The following MCTP1 variants were observed in gnomAD, a reference collection of about 807,000 sequenced individuals.
MCTP1 encodes multiple C2 and transmembrane domain containing 1.
Under a neutral mutation model 120.6 loss-of-function variants are expected in MCTP1, and 69 were observed. That is an observed-to-expected ratio of 0.57 (90% CI 0.47 to 0.70). MCTP1 has a LOEUF of 0.70. Among genes scored for constraint, MCTP1 ranks in the 30% least tolerant of loss-of-function variants. The pLI, the probability that MCTP1 is intolerant of heterozygous loss-of-function variation, is 0.00. For synonymous variants in MCTP1, 529 were observed against 493.1 expected (o/e 1.07, Z -0.96); for missense variants, 1,203 against 1,248.8 (o/e 0.96, Z 0.55).
chr5:95,056,991 CTA>C (rs1173501957), intron 1 of MCTP1, among the ~76,000 whole-genome samples: 3 of 152,082 alleles, frequency 2.0e-5, no homozygotes, highest in East Asian at 3.9e-4. Context: ...TAAAAATACA[CTA>C]TGTTTTGCTT....
intron 18 of MCTP1, among the ~76,000 whole-genome samples, chr5:94,784,356 T>C (rs1342604347): frequency 6.6e-6 from 1 of 152,042 alleles, no homozygotes; most frequent in East Asian, 1.9e-4. Flanking sequence ...AATGATGGAA[T>C]GTCTATTGAT....
chr5:95,235,551 T>C (rs1366124998), intron 1 of MCTP1, among the ~76,000 whole-genome samples: 1 of 151,834 alleles, frequency 6.6e-6, no homozygotes, highest in Admixed American at 6.6e-5. Flanking sequence ...CTATGCTGGC[T>C]TAAACTTCCA....
chr5:94,846,817 C>CTGTGTG (rs67319075), intron 17 of MCTP1, among the ~76,000 whole-genome samples: 7 of 147,148 alleles, frequency 4.8e-5, no homozygotes, highest in Non-Finnish European at 9.1e-5. Flanking sequence ...CTGTGTGTGT[C>CTGTGTG]TGTGTGTGTG....
chr5:95,065,116 A>C (rs1473315403), intron 1 of MCTP1, among the ~76,000 whole-genome samples: 1 of 152,134 alleles, frequency 6.6e-6, no homozygotes, highest in Non-Finnish European at 1.5e-5. Context: ...TTCAAGAATA[A>C]TTAGAAAACT....
intron 17 of MCTP1, chr5:94,867,421 G>T: frequency 8.9e-7 from 1 of 1,119,118 alleles, no homozygotes; most frequent in Non-Finnish European, 1.3e-6. Flanking sequence ...AAACAGATGT[G>T]CATACACTCA....
At chr5:94,813,989 T>A (rs902187485) in intron 17 of MCTP1, among the ~76,000 whole-genome samples, 1 of 151,928 alleles carries the variant, frequency 6.6e-6, no homozygotes, top group African/African-American at 2.4e-5. Context: ...AAAACGCAAA[T>A]CCCTAGAGAC....
At chr5:95,099,403 A>C (rs1317090737) in intron 1 of MCTP1, among the ~76,000 whole-genome samples, 1 of 151,670 alleles carries the variant, frequency 6.6e-6, no homozygotes, top group Non-Finnish European at 1.5e-5. Flanking sequence ...CAGAATCTGC[A>C]ATGAACTCAA....
intron 17 of MCTP1, among the ~76,000 whole-genome samples, chr5:94,819,686 A>G (rs552452931): frequency 9.2e-5 from 14 of 152,214 alleles, no homozygotes; most frequent in Non-Finnish European, 1.9e-4. Context: ...TTTTTATATC[A>G]CTAGACATTC....
Position 95,284,567 on chromosome 5 carries a change from G to C in MCTP1, c.9C>G (p.Pro3=). The change falls in exon 1 of 23, where the codon CCC becomes CCG. Residue 3 remains proline (P), a synonymous_variant. Coordinates refer to ENST00000515393, the MANE Select transcript of MCTP1 (RefSeq NM_024717.7). The surrounding 1 kb of genome is among the most constrained non-coding windows in gnomAD (Gnocchi z 5.2). ME[P]RAAAAGEPEP... Reference sequence around the variant, plus strand: ...CTGGCTCGCCCGCCGCGGCAGCCCGGGGCTCCATCCTCCACCCCCTGCTCC... The same window carrying C: ...CTGGCTCGCCCGCCGCGGCAGCCCGCGGCTCCATCCTCCACCCCCTGCTCC... The C allele has an allele frequency of 7.0e-7, 1 of 1,436,944 alleles. No individual in the cohort carries two copies. Among genetic ancestry groups the C allele is most frequent in the Non-Finnish European group, 9.0e-7 (1 of 1,108,490 alleles). 89.0% of individuals were successfully genotyped at this position (1,436,944 alleles called of 1,614,324 possible).
At chr5:94,957,650 A>C (rs933574786) in intron 2 of MCTP1, among the ~76,000 whole-genome samples, 1 of 152,056 alleles carries the variant, frequency 6.6e-6, no homozygotes, top group South Asian at 2.1e-4. Context: ...TACACCAATG[A>C]AGATTAAAAA....
intron 1 of MCTP1, among the ~76,000 whole-genome samples, chr5:95,107,604 T>C (rs1194350312): frequency 6.6e-6 from 1 of 152,202 alleles, no homozygotes; most frequent in African/African-American, 2.4e-5. Flanking sequence ...AAGTTCTGCC[T>C]CAGCCTCCAC....
intron 1 of MCTP1, among the ~76,000 whole-genome samples, chr5:95,240,754 T>C (rs980660856): frequency 2.2e-4 from 34 of 152,166 alleles, no homozygotes; most frequent in Non-Finnish European, 4.7e-4. Context: ...ACTGAAGTCT[T>C]AGCAGTGTGC....
At chr5:94,854,347 CTACT>C (rs1360320989) in intron 17 of MCTP1, among the ~76,000 whole-genome samples, 1 of 151,698 alleles carries the variant, frequency 6.6e-6, no homozygotes, top group African/African-American at 2.4e-5. Flanking sequence ...GGAAATATTC[CTACT>C]TAGAGTCTGA....
intron 1 of MCTP1, among the ~76,000 whole-genome samples, chr5:95,036,412 G>T (rs962255185): frequency 8.5e-5 from 13 of 152,092 alleles, no homozygotes; most frequent in Admixed American, 7.9e-4. Flanking sequence ...ATGGATTTAC[G>T]TCTACAAAAC....
At chr5:94,797,980 T>C (rs1248108043) in intron 18 of MCTP1, among the ~76,000 whole-genome samples, 1 of 152,134 alleles carries the variant, frequency 6.6e-6, no homozygotes, top group Non-Finnish European at 1.5e-5. Context: ...AAGTATTATA[T>C]TCTACTTTTA....
At chr5:94,989,951 TG>T (rs1831206183) in intron 2 of MCTP1, among the ~76,000 whole-genome samples, 1 of 152,208 alleles carries the variant, frequency 6.6e-6, no homozygotes, top group Non-Finnish European at 1.5e-5. Context: ...CTTTGTTCTG[TG>T]CTCACTTCTA....
At chr5:95,041,311 GAA>G (rs58379749) in intron 1 of MCTP1, among the ~76,000 whole-genome samples, 195 of 89,782 alleles carry the variant, frequency 2.2e-3, no homozygotes, top group South Asian at 0.015. Flanking sequence ...CCCATGCTCT[GAA>G]AAAAAAAAAA....
chr5:95,118,170 T>G (rs1436925719), intron 1 of MCTP1, among the ~76,000 whole-genome samples: 1 of 152,180 alleles, frequency 6.6e-6, no homozygotes, highest in Non-Finnish European at 1.5e-5. Flanking sequence ...AATTTACCTA[T>G]GTAACAAACC....
At chr5:94,910,518 T>C (rs969761235) in intron 9 of MCTP1, among the ~76,000 whole-genome samples, 2 of 152,120 alleles carry the variant, frequency 1.3e-5, no homozygotes, top group African/African-American at 4.8e-5. Flanking sequence ...GATGTAAAGT[T>C]TGAAAGCAAT....
Sources: gnomAD v4.1 joint callset for allele counts (sites outside exome capture counted in the v4.1 genomes callset) on GRCh38, gnomAD v4.1.1 for gene constraint, Gnocchi (gnomAD v3.1) non-coding constraint, MANE v1.5 for transcripts, NCBI Gene and HGNC (gene_info 2026-07-23, HGNC 2026-07-21) for gene names.